PACRG: variants seen among roughly 807,000 people sequenced by gnomAD.
The protein encoded by PACRG is parkin coregulated.
A neutral mutation model predicts 29.7 loss-of-function variants in PACRG; 29 were observed. The observed-to-expected ratio is 0.98, with a 90% confidence interval of 0.73 to 1.33. The LOEUF (loss-of-function observed/expected upper bound fraction) is 1.33. PACRG is among the 40% of genes most tolerant of loss of function. The pLI is 0.00. For missense variants in PACRG, 279 were observed against 316.2 expected, an observed-to-expected ratio of 0.88 and a Z score of 0.89; for synonymous variants, 116 against 118.7, an observed-to-expected ratio of 0.98 and a Z score of 0.15.
At chr6:163,032,507 A>G (rs2128229007) in intron 2 of PACRG, among the ~76,000 whole-genome samples, 1 of 152,352 alleles carries the variant, frequency 6.6e-6, no homozygotes, top group East Asian at 1.9e-4. Flanking sequence ...ACAGTCAAAA[A>G]CACGATTAAC....
At chr6:162,987,939 G>T (rs2128180724) in intron 2 of PACRG, among the ~76,000 whole-genome samples, 1 of 152,284 alleles carries the variant, frequency 6.6e-6, no homozygotes, top group Middle Eastern at 3.4e-3. Flanking sequence ...TCCTTCCTTG[G>T]AGCAGGGTTA....
chr6:162,763,719 A>C (rs765425204), intron 1 of PACRG, among the ~76,000 whole-genome samples: 3 of 152,212 alleles, frequency 2.0e-5, no homozygotes, highest in Admixed American at 6.5e-5. Flanking sequence ...TGTGCACCAG[A>C]ACTTTGCTAC....
intron 4 of PACRG, among the ~76,000 whole-genome samples, chr6:163,112,673 C>A (rs1032761884): frequency 1.1e-4 from 17 of 152,122 alleles, no homozygotes; most frequent in African/African-American, 4.1e-4. Flanking sequence ...AAGGCACAGG[C>A]CTAAAGAAGA....
At position 162,809,544 on chromosome 6, in the gene PACRG, G is replaced by A. The variant is rs921981634; in HGVS notation, c.157-4603G>A. ...TATCGATTTATGAATAGCCTTCTAA[G>A]CTTTGTTAGAAATGTGTCTATTCAG... On this transcript the variant is annotated intron_variant, in intron 1 of 4. Transcript: ENST00000366888. Among the ~76,000 whole-genome samples the A allele has an allele frequency of 2.0e-5, 3 of 152,168 alleles. No homozygotes were observed. The South Asian group carries it at 6.2e-4, about 32-fold the overall frequency.
chr6:163,084,647 A>C (rs1813379290), intron 3 of PACRG, among the ~76,000 whole-genome samples: 1 of 152,074 alleles, frequency 6.6e-6, no homozygotes, highest in Non-Finnish European at 1.5e-5. Flanking sequence ...TCAATCCAAT[A>C]ACGTTGATCA....
At chr6:163,301,261 C>T (rs991402877) in intron 4 of PACRG, among the ~76,000 whole-genome samples, 2 of 152,198 alleles carry the variant, frequency 1.3e-5, no homozygotes, top group Admixed American at 6.5e-5. Context: ...AGGAAGTAAA[C>T]AGAGCTACCA....
rs548085829 is a variant in PACRG at position 162,749,555 on chromosome 6, C to G, written c.156+21164C>G. Among the ~76,000 whole-genome samples the G allele has an allele frequency of 2.2e-4, 34 of 152,250 alleles. 1 individual carries two copies. In the South Asian group the frequency reaches 6.6e-3, roughly 30 times the overall value. Reference sequence around the variant, plus strand: ...TATTTTTTTGAGACGGGGTCTTGCTCTGTCGCCCAGGCTGGAGTGCAATGG... The same window carrying G: ...TATTTTTTTGAGACGGGGTCTTGCTGTGTCGCCCAGGCTGGAGTGCAATGG... On this transcript the variant is annotated intron_variant, in intron 1 of 4. Transcript: ENST00000366888.
intron 4 of PACRG, among the ~76,000 whole-genome samples, chr6:163,171,550 A>G (rs1255959680): frequency 6.6e-6 from 1 of 152,176 alleles, no homozygotes; most frequent in Non-Finnish European, 1.5e-5. Context: ...GCTCCTATCT[A>G]CTCCCAATGA....
At chr6:162,778,115 G>A (rs898609792) in intron 1 of PACRG, among the ~76,000 whole-genome samples, 1 of 152,122 alleles carries the variant, frequency 6.6e-6, no homozygotes, top group Admixed American at 6.5e-5. Context: ...AAGGTTTTTC[G>A]GTGTTTTGGG....
chr6:163,238,982 G>A (rs1022013852), intron 4 of PACRG, among the ~76,000 whole-genome samples: 1 of 152,134 alleles, frequency 6.6e-6, no homozygotes, highest in African/African-American at 2.4e-5. Context: ...AAGCAAAGAT[G>A]GCATTTGTCT....
intron 2 of PACRG, among the ~76,000 whole-genome samples, chr6:162,821,488 C>G (rs1436310881): frequency 6.6e-6 from 1 of 152,148 alleles, no homozygotes; most frequent in Non-Finnish European, 1.5e-5. Context: ...AAAAACAAAT[C>G]ACTCCTGCTT....
intron 1 of PACRG, among the ~76,000 whole-genome samples, chr6:162,810,563 A>G (rs1326345186): frequency 6.6e-6 from 1 of 152,342 alleles, no homozygotes; most frequent in East Asian, 1.9e-4. Context: ...CCTTGAGACA[A>G]TGAAAGAGTG....
At chr6:163,097,919 A>G (rs1343866710) in intron 4 of PACRG, among the ~76,000 whole-genome samples, 1 of 152,200 alleles carries the variant, frequency 6.6e-6, no homozygotes, top group Non-Finnish European at 1.5e-5. Flanking sequence ...AAGATCTATT[A>G]TGTTAATAGA....
At chr6:162,792,977 G>A (rs959892874) in intron 1 of PACRG, among the ~76,000 whole-genome samples, 8 of 152,186 alleles carry the variant, frequency 5.3e-5, no homozygotes, top group African/African-American at 1.9e-4. Context: ...GGTTGGCCAT[G>A]AGTATAGGAG....
At chr6:163,074,695 C>T (rs1161268292) in intron 3 of PACRG, among the ~76,000 whole-genome samples, 1 of 151,910 alleles carries the variant, frequency 6.6e-6, no homozygotes, top group Non-Finnish European at 1.5e-5. Flanking sequence ...TACTATGTAC[C>T]TACAAAAAAT....
chr6:163,232,826 C>T (rs1177855578), intron 4 of PACRG, among the ~76,000 whole-genome samples: 2 of 152,210 alleles, frequency 1.3e-5, no homozygotes, highest in Non-Finnish European at 2.9e-5. Context: ...TACCCCCCAG[C>T]TCACGCTCCC....
chr6:163,263,392 C>T (rs528264847), intron 4 of PACRG, among the ~76,000 whole-genome samples: 1 of 152,258 alleles, frequency 6.6e-6, no homozygotes, highest in East Asian at 1.9e-4. Flanking sequence ...CGGCCGCAGC[C>T]TCTGTGTTTC....
intron 2 of PACRG, among the ~76,000 whole-genome samples, chr6:162,833,356 T>C (rs1318550777): frequency 6.6e-6 from 1 of 152,196 alleles, no homozygotes; most frequent in African/African-American, 2.4e-5. Flanking sequence ...AGTAACTGCC[T>C]CATTCAGAGA....
intron 1 of PACRG, among the ~76,000 whole-genome samples, chr6:162,804,653 C>T (rs1786165866): frequency 6.6e-6 from 1 of 152,238 alleles, no homozygotes. Flanking sequence ...AGACCATTCA[C>T]CTTGACTCTA....
Sources: gnomAD v4.1 joint callset for allele counts (sites outside exome capture counted in the v4.1 genomes callset) on GRCh38, gnomAD v4.1.1 for gene constraint, MANE v1.5 for transcripts, NCBI Gene and HGNC (gene_info 2026-07-23, HGNC 2026-07-21) for gene names.